HCFC2: variants seen among roughly 807,000 people sequenced by gnomAD.
HCFC2 encodes host cell factor C2.
Under a neutral mutation model 89.2 loss-of-function variants are expected in HCFC2, and 18 were observed. The ratio of observed to expected loss-of-function variants is 0.20; its 90% CI spans 0.14 to 0.30. The LOEUF is 0.30. HCFC2 is among the 10% of genes least tolerant of loss of function. The pLI is 1.00. For missense variants in HCFC2, 578 were observed against 956.1 expected, an observed-to-expected ratio of 0.60 and a Z score of 5.21; for synonymous variants, 308 against 335.7, an observed-to-expected ratio of 0.92 and a Z score of 0.90.
rs1165334387 is a variant in HCFC2 at position 104,073,205 on chromosome 12, C to T, written c.473+5098C>T. On this transcript the variant is annotated intron_variant, in intron 3 of 14. Transcript: ENST00000229330. ...TTTGAGACGGAGTCTAGCTGCATCG[C>T]CGAGGCTGGAGTGCAGTGGAGCGAT... Among the ~76,000 whole-genome samples the T allele has an allele frequency of 3.4e-5, 5 of 147,914 alleles. No individual in the cohort carries two copies. The Admixed American group carries it at 3.4e-4, about 10-fold the overall frequency.
Position 104,064,746 on chromosome 12 carries a change from G to A in HCFC2, c.163+23G>A, listed in dbSNP as rs1456639146. ...CGGGTAGGCGCGGCGGCGGCTCGTC[G>A]GCCCCGCCTGCTGGAGCTGCGGAGG... On this transcript the variant is annotated intron_variant, in intron 1 of 14. Coordinates refer to ENST00000229330, the MANE Select transcript of HCFC2 (RefSeq NM_013320.3). This position sits in a 1 kb window ranked among gnomAD's most constrained non-coding sequence, Gnocchi z 7.3. 1 of 1,543,684 alleles carries A rather than the reference G, an allele frequency of 6.5e-7. No homozygotes were observed. The highest frequency in any genetic ancestry group is 1.4e-5 in the African/African-American group (1 of 70,074).
At chr12:104,102,858 TAA>T in intron 14 of HCFC2, 99 bp from the exon 15 acceptor site, 1 of 1,012,588 alleles carries the variant, frequency 9.9e-7, no homozygotes, top group Non-Finnish European at 1.4e-6. Context: ...ATTATTTTAG[TAA>T]AAATGAACAT....
Position 104,068,189 on chromosome 12 carries a change from A to C in HCFC2, c.473+82A>C, listed in dbSNP as rs1047018595. On this transcript the variant is annotated intron_variant, in intron 3 of 14. Transcript: ENST00000229330. The surrounding 1 kb of genome is among the most constrained non-coding windows in gnomAD (Gnocchi z 4.1). ...TATTTTTTCCATCTTTAATTTTTAA[A>C]AGGGATGATGCTTAGCTTTTTGCAT... 2.4e-6 allele frequency: 3 copies of C among 1,229,326 alleles called. No individual in the cohort carries two copies. Among genetic ancestry groups the C allele is most frequent in the Non-Finnish European group, 2.2e-6 (2 of 899,906 alleles). The allele number at this position is 1,229,326 out of a possible 1,614,324, so 76.2% of individuals were successfully genotyped here. A position where few individuals can be genotyped will look rare whatever the true frequency, so the allele number is the denominator to read the frequency against.
intron 8 of HCFC2, among the ~76,000 whole-genome samples, chr12:104,087,340 A>G (rs1883882615): frequency 8.6e-6 from 1 of 116,600 alleles, no homozygotes; most frequent in African/African-American, 3.2e-5. Context: ...GGCAACAAGC[A>G]AGACTCTGTC....
At chr12:104,089,976 C>T (rs868604722) in intron 9 of HCFC2, among the ~76,000 whole-genome samples, 2 of 152,150 alleles carry the variant, frequency 1.3e-5, no homozygotes, top group Non-Finnish European at 2.9e-5. Flanking sequence ...ACTGGTTCTT[C>T]TCTAGGCCTG....
At chr12:104,081,616 T>A (rs990232036) in intron 5 of HCFC2, among the ~76,000 whole-genome samples, 8 of 151,158 alleles carry the variant, frequency 5.3e-5, no homozygotes, top group South Asian at 2.1e-4. Flanking sequence ...TTTTTTTTTT[T>A]AAATAAACTC....
chr12:104,072,368 TAA>T (rs35741120), intron 3 of HCFC2, among the ~76,000 whole-genome samples: 34 of 135,708 alleles, frequency 2.5e-4, no homozygotes, highest in East Asian at 4.2e-4. Flanking sequence ...CAAGACTGTT[TAA>T]AAAAAAAAAA....
Position 104,095,706 on chromosome 12 carries a change from T to G in HCFC2, c.1666+143T>G. 3.1e-6 allele frequency: 2 copies of G among 639,072 alleles called. No individual in the cohort carries two copies. Among genetic ancestry groups the G allele is most frequent in the Admixed American group, 3.3e-5 (1 of 30,424 alleles). The allele number at this position is 639,072 out of a possible 1,614,324, so 39.6% of individuals were successfully genotyped here. ...AACTTAATTTCTGTGAGCAAGAGTT[T>G]TCATTTGACCTAAATTTAACTTTTA... is the stretch of plus-strand genomic sequence containing the variant. On this transcript the variant is annotated intron_variant, in intron 11 of 14. Transcript: ENST00000229330. This position sits in a 1 kb window ranked among gnomAD's most constrained non-coding sequence, Gnocchi z 4.2.
rs1410297557 is a variant in HCFC2 at position 104,082,599 on chromosome 12, A to C, written c.867A>C (p.Leu289=). 6.2e-7 allele frequency: 1 copy of C among 1,609,010 alleles called. No individual in the cohort carries two copies. The highest frequency in any genetic ancestry group is 8.5e-7 in the Non-Finnish European group (1 of 1,175,544). The change falls in exon 6 of 15, where the codon CTA becomes CTC. Residue 289 remains leucine, a synonymous_variant. Coordinates refer to ENST00000229330, the MANE Select transcript of HCFC2 (RefSeq NM_013320.3). ...GATGTACCAGTTCATTTTCTTACCTAAATCTGGGTGAGTCTTTTAAGAGTT... is the reference window on the plus strand; with the variant it reads ...GATGTACCAGTTCATTTTCTTACCTCAATCTGGGTGAGTCTTTTAAGAGTT... The part of the protein sequence containing the change: ...EWRCTSSFSY[L]NLDTTEWTTL...
chr12:104,082,646 T>C (rs975717161), intron 6 of HCFC2, 40 bp downstream of exon 6: 2 of 1,566,262 alleles, frequency 1.3e-6, no homozygotes, highest in Non-Finnish European at 1.7e-6. Context: ...TAATCTTTAT[T>C]AATAAGATAA....
intron 9 of HCFC2, among the ~76,000 whole-genome samples, chr12:104,091,325 C>G (rs1453719316): frequency 6.6e-6 from 1 of 152,154 alleles, no homozygotes; most frequent in Non-Finnish European, 1.5e-5. Context: ...TGTGACAGGC[C>G]TCCAGCGTTT....
chr12:104,091,826 T>C (rs529552022), intron 9 of HCFC2, among the ~76,000 whole-genome samples: 102 of 152,324 alleles, frequency 6.7e-4, no homozygotes, highest in Admixed American at 1.2e-3. Flanking sequence ...ATCTTACTGA[T>C]AGGATTCTTG....
chr12:104,072,925 T>G (rs1374918559), intron 3 of HCFC2, among the ~76,000 whole-genome samples: 1 of 151,950 alleles, frequency 6.6e-6, no homozygotes, highest in African/African-American at 2.4e-5. Flanking sequence ...ATTACAGGTG[T>G]GAGCCACCGC....
intron 3 of HCFC2, among the ~76,000 whole-genome samples, chr12:104,073,834 A>G (rs1256106262): frequency 1.3e-5 from 2 of 152,318 alleles, no homozygotes; most frequent in East Asian, 3.9e-4. Flanking sequence ...GTTGCAAACT[A>G]TATCCTGTGG....
At chr12:104,089,112 G>A (rs560751435) in intron 9 of HCFC2, among the ~76,000 whole-genome samples, 3 of 152,212 alleles carry the variant, frequency 2.0e-5, no homozygotes, top group African/African-American at 4.8e-5. Context: ...GCGGAAACTC[G>A]ACCCTCTGTA....
intron 3 of HCFC2, among the ~76,000 whole-genome samples, chr12:104,069,985 T>C (rs538922645): frequency 3.9e-4 from 60 of 152,264 alleles, no homozygotes; most frequent in Non-Finnish European, 8.1e-4. Context: ...TTGCTGAGAA[T>C]GATGGTTTCC....
At chr12:104,066,436 A>G (rs1178678209) in intron 2 of HCFC2, 121 bp downstream of exon 2, 4 of 565,162 alleles carry the variant, frequency 7.1e-6, no homozygotes, top group African/African-American at 2.9e-5. Flanking sequence ...CAAGTAATGT[A>G]TTATTCAAGT....
intron 10 of HCFC2, among the ~76,000 whole-genome samples, chr12:104,094,619 C>G (rs896864911): frequency 6.6e-6 from 1 of 152,122 alleles, no homozygotes; most frequent in Non-Finnish European, 1.5e-5. Flanking sequence ...AAAATATCCC[C>G]TAGAAATCAT....
At chr12:104,088,122 C>G in intron 9 of HCFC2, 84 bp downstream of exon 9, 1 of 856,084 alleles carries the variant, frequency 1.2e-6, no homozygotes, top group Admixed American at 2.4e-5. Context: ...TACTACTACT[C>G]TAGAAGAGGG....
Sources: gnomAD v4.1 joint callset for allele counts (sites outside exome capture counted in the v4.1 genomes callset) on GRCh38, gnomAD v4.1.1 for gene constraint, Gnocchi (gnomAD v3.1) non-coding constraint, MANE v1.5 for transcripts, NCBI Gene and HGNC (gene_info 2026-07-23, HGNC 2026-07-21) for gene names.